ANGPT1: variants seen among roughly 807,000 people sequenced by gnomAD.
The protein encoded by ANGPT1 is angiopoietin-1.
A neutral mutation model predicts 62.2 loss-of-function variants in ANGPT1; 17 were observed. The observed-to-expected ratio is 0.27, with a 90% CI of 0.19 to 0.41. The LOEUF (loss-of-function observed/expected upper bound fraction) is 0.41, where lower values mean the gene tolerates loss of function less well. ANGPT1 is among the 10% of genes least tolerant of loss of function. The probability of loss-of-function intolerance (pLI) is 1.00; values close to 1 mark genes in which losing one functional copy is unlikely to be tolerated. For missense variants in ANGPT1, 478 were observed against 594.9 expected, an observed-to-expected ratio of 0.80 and a Z score of 2.04; for synonymous variants, 199 against 198.9, an observed-to-expected ratio of 1.00 and a Z score of 0.00.
intron 1 of ANGPT1, among the ~76,000 whole-genome samples, chr8:107,453,691 T>C (rs1426952187): frequency 6.6e-6 from 1 of 152,040 alleles, no homozygotes; most frequent in Non-Finnish European, 1.5e-5. Flanking sequence ...AATAATTATG[T>C]ATATTTTGAG....
In ANGPT1 at chr8:107,392,970, T is replaced by C. The variant is rs188626352; in HGVS notation, c.298-45873A>G. Among the ~76,000 whole-genome samples, 4 of 152,172 alleles carry C rather than the reference T, an allele frequency of 2.6e-5. No individual in the cohort carries two copies. The South Asian group carries it at 8.3e-4, about 31-fold the overall frequency. On this transcript the variant is annotated intron_variant, in intron 1 of 8. Coordinates refer to ENST00000517746, the MANE Select transcript of ANGPT1 (RefSeq NM_001146.5). Reference sequence around the variant, plus strand: ...CTCTTTGTCTAATCTGAAGCCAAACTATATTGTTTTGATTATGGCAGCAGA... The same window carrying C: ...CTCTTTGTCTAATCTGAAGCCAAACCATATTGTTTTGATTATGGCAGCAGA...
chr8:107,385,568 A>T (rs1816716914), intron 1 of ANGPT1, among the ~76,000 whole-genome samples: 1 of 152,112 alleles, frequency 6.6e-6, no homozygotes, highest in Admixed American at 6.6e-5. Context: ...GTATCATATC[A>T]TCTGCAAAGA....
intron 1 of ANGPT1, among the ~76,000 whole-genome samples, chr8:107,486,112 A>T (rs955295676): frequency 6.6e-6 from 1 of 152,186 alleles, no homozygotes; most frequent in African/African-American, 2.4e-5. Context: ...GGCTGTGTGA[A>T]ACAGAACTTG....
chr8:107,307,613 C>T (rs1227353313), intron 4 of ANGPT1, among the ~76,000 whole-genome samples: 1 of 152,022 alleles, frequency 6.6e-6, no homozygotes, highest in African/African-American at 2.4e-5. Context: ...TCCCTTTCAA[C>T]TTCTCCAATT....
At chr8:107,477,755 T>C (rs1812568953) in intron 1 of ANGPT1, among the ~76,000 whole-genome samples, 1 of 152,132 alleles carries the variant, frequency 6.6e-6, no homozygotes, top group African/African-American at 2.4e-5. Flanking sequence ...CTTACTTCTG[T>C]TCATCTCAAA....
At chr8:107,282,012 G>A (rs925007883) in intron 7 of ANGPT1, among the ~76,000 whole-genome samples, 2 of 151,440 alleles carry the variant, frequency 1.3e-5, no homozygotes. Context: ...AGGCATTAAT[G>A]GGCCTAGAGA....
intron 2 of ANGPT1, among the ~76,000 whole-genome samples, chr8:107,339,931 C>A (rs73701100): frequency 0.062 from 9,407 of 152,232 alleles, 671 homozygotes; most frequent in African/African-American, 0.18. Flanking sequence ...GGCTAAATGC[C>A]GATCTAAAGA....
intron 1 of ANGPT1, among the ~76,000 whole-genome samples, chr8:107,438,817 G>A (rs961621646): frequency 2.0e-5 from 3 of 152,074 alleles, no homozygotes; most frequent in Admixed American, 6.6e-5. Context: ...ATTTTTACCA[G>A]GGTTTAGAGA....
At chr8:107,433,006 A>T (rs961524354) in intron 1 of ANGPT1, among the ~76,000 whole-genome samples, 32 of 151,878 alleles carry the variant, frequency 2.1e-4, no homozygotes, top group African/African-American at 6.3e-4. Context: ...GTCTTGACTT[A>T]AAAAAAACCT....
intron 1 of ANGPT1, among the ~76,000 whole-genome samples, chr8:107,376,499 A>C (rs1378772314): frequency 3.3e-5 from 5 of 152,154 alleles, no homozygotes; most frequent in African/African-American, 1.2e-4. Context: ...AGATCTTACA[A>C]AGGGATAGAA....
intron 3 of ANGPT1, 147 bp downstream of exon 3, chr8:107,336,003 T>C (rs1045036529): frequency 4.5e-6 from 3 of 672,798 alleles, no homozygotes; most frequent in African/African-American, 3.8e-5. Flanking sequence ...TACCTTAAGC[T>C]CTCCTTTATT....
At chr8:107,407,891 G>A (rs1004244851) in intron 1 of ANGPT1, among the ~76,000 whole-genome samples, 1 of 152,128 alleles carries the variant, frequency 6.6e-6, no homozygotes, top group Non-Finnish European at 1.5e-5. Flanking sequence ...CCACAATGAG[G>A]ACTGGGGATT....
chr8:107,257,328 A>G (rs1331086765), intron 8 of ANGPT1, among the ~76,000 whole-genome samples: 2 of 152,168 alleles, frequency 1.3e-5, no homozygotes, highest in Non-Finnish European at 2.9e-5. Flanking sequence ...AGGCCTTTTA[A>G]AATCATTTGT....
At chr8:107,270,799 A>C (rs1212671234) in intron 7 of ANGPT1, among the ~76,000 whole-genome samples, 2 of 152,080 alleles carry the variant, frequency 1.3e-5, no homozygotes, top group Non-Finnish European at 2.9e-5. Context: ...TATTAAAGAC[A>C]TTCAGTTATA....
At chr8:107,478,253 A>G (rs1490935622) in intron 1 of ANGPT1, among the ~76,000 whole-genome samples, 2 of 151,142 alleles carry the variant, frequency 1.3e-5, no homozygotes, top group African/African-American at 2.4e-5. Flanking sequence ...ACCTATTCAA[A>G]AAAAAAAAAA....
At chr8:107,288,680 G>A (rs567079580) in intron 6 of ANGPT1, among the ~76,000 whole-genome samples, 2 of 152,184 alleles carry the variant, frequency 1.3e-5, no homozygotes, top group Admixed American at 1.3e-4. Flanking sequence ...AAACTAAAAA[G>A]AACATATTAA....
At chr8:107,443,919 C>A (rs1237995103) in intron 1 of ANGPT1, among the ~76,000 whole-genome samples, 2 of 151,718 alleles carry the variant, frequency 1.3e-5, no homozygotes, top group African/African-American at 4.8e-5. Context: ...ACCATGCAGA[C>A]AAACACAAAA....
rs573888028 is a variant in ANGPT1, at chr8:107,434,874, AT to A, written c.297+62387del. Among the ~76,000 whole-genome samples the A allele has an allele frequency of 1.1e-4, 16 of 152,366 alleles. No homozygotes were observed. In the South Asian group the frequency reaches 3.3e-3, roughly 32 times the overall value. ...AAACTCTTAGCTGTTGAGCAAATCC[AT>A]TTAGAAATAGTTAATGACTATTTAA... On this transcript the variant is annotated intron_variant, in intron 1 of 8. Transcript: ENST00000517746.
intron 8 of ANGPT1, among the ~76,000 whole-genome samples, chr8:107,255,350 G>A (rs1324722531): frequency 2.0e-5 from 3 of 152,270 alleles, no homozygotes; most frequent in South Asian, 4.2e-4. Flanking sequence ...CTTGGCTGGA[G>A]TGCCAGTGGG....
Sources: gnomAD v4.1 joint callset for allele counts (sites outside exome capture counted in the v4.1 genomes callset) on GRCh38, gnomAD v4.1.1 for gene constraint, MANE v1.5 for transcripts, NCBI Gene and HGNC (gene_info 2026-07-23, HGNC 2026-07-21) for gene names.